The following IPO8 variants were observed in gnomAD, a reference collection of about 807,000 sequenced individuals.
IPO8 encodes importin-8.
Under a neutral mutation model 141.2 loss-of-function variants are expected in IPO8, and 65 were observed. The ratio of observed to expected loss-of-function variants is 0.46; its 90% CI spans 0.38 to 0.57. IPO8 has a LOEUF of 0.57. Ranked by LOEUF, IPO8 falls within the 20% of genes least tolerant of loss-of-function variation. The probability of loss-of-function intolerance (pLI) is 0.00; values close to 1 mark genes in which losing one functional copy is unlikely to be tolerated. For synonymous variants in IPO8, 411 were observed against 420.3 expected (o/e 0.98, Z 0.27); for missense variants, 980 against 1,246.8 (o/e 0.79, Z 3.22).
At chr12:30,688,530 CTAAAGA>C (rs1453503697) in intron 2 of IPO8, 1 of 284,598 alleles carries the variant, frequency 3.5e-6, no homozygotes, top group African/African-American at 2.3e-5. Flanking sequence ...AAGTGTCATG[CTAAAGA>C]TAAATTATCT....
At chr12:30,633,108 T>G (rs1266954911) in intron 23 of IPO8, among the ~76,000 whole-genome samples, 1 of 152,256 alleles carries the variant, frequency 6.6e-6, no homozygotes, top group Non-Finnish European at 1.5e-5. Flanking sequence ...TCCCATGCTT[T>G]GGAATATAGT....
intron 21 of IPO8, 82 bp downstream of exon 21, chr12:30,639,433 T>C: frequency 1.2e-6 from 1 of 825,800 alleles, no homozygotes; most frequent in South Asian, 1.6e-5. Flanking sequence ...AAAATTATCT[T>C]TGTACATGCT....
chr12:30,669,541 T>C (rs2053018785), intron 9 of IPO8, among the ~76,000 whole-genome samples: 1 of 152,136 alleles, frequency 6.6e-6, no homozygotes, highest in Non-Finnish European at 1.5e-5. Context: ...TCTGTAATCC[T>C]ACCTCTTTGG....
At position 30,639,519 on chromosome 12, in the gene IPO8, G is replaced by A; in HGVS notation, c.2485C>T (p.Leu829Phe). ...NQWMNDTDCFLGHHDRKMCII... is the reference protein window; with the variant it reads ...NQWMNDTDCFFGHHDRKMCII... ...TAAAATCCAAAAGACACATACCCAA[G>A]AAAACAATCTGTATCATTCATCCAT... Residue 829 changes from leucine to phenylalanine, a missense_variant, in exon 21 of 25, where the codon CTT (leucine) becomes TTT (phenylalanine). Transcript: ENST00000256079. 1 of 1,608,030 alleles carries A rather than the reference G, an allele frequency of 6.2e-7. No individual in the cohort carries two copies. The highest frequency in any genetic ancestry group is 1.1e-5 in the South Asian group (1 of 90,886).
chr12:30,642,369 C>T (rs1486299486), intron 20 of IPO8, among the ~76,000 whole-genome samples: 1 of 151,944 alleles, frequency 6.6e-6, no homozygotes, highest in Admixed American at 6.6e-5. Context: ...TCAATAGAAA[C>T]CCAAACCTCA....
intron 2 of IPO8, among the ~76,000 whole-genome samples, chr12:30,685,378 A>T (rs1267629412): frequency 6.6e-6 from 1 of 151,616 alleles, no homozygotes; most frequent in Non-Finnish European, 1.5e-5. Flanking sequence ...ACCTCAGGTG[A>T]TCTGCCTGCC....
In IPO8 at chr12:30,639,220, A is replaced by G. The variant is rs143749318; in HGVS notation, c.2489+295T>C. ...ACTGACACTTAATCATGGAACCCAG[A>G]CAGACAACTAATTCTTGTTGCCTAG... is the stretch of plus-strand genomic sequence containing the variant. On this transcript the variant is annotated intron_variant, in intron 21 of 24. Coordinates refer to ENST00000256079, the MANE Select transcript of IPO8 (RefSeq NM_006390.4). Among the ~76,000 whole-genome samples, 698 of 152,282 alleles carry G rather than the reference A, an allele frequency of 4.6e-3. 4 individuals carry two copies. The highest frequency in any genetic ancestry group is 0.015 in the African/African-American group (626 of 41,546).
chr12:30,639,717 G>C lies in IPO8; in HGVS notation c.2287C>G (p.Gln763Glu). The change falls in exon 21 of 25, where the codon CAA (glutamine) becomes GAA (glutamate). Residue 763 changes from glutamine to glutamate, a missense_variant. Around this residue, in one of 3 missense-constraint regions of IPO8, gnomAD observed 924 missense variants for 1,153.9 expected, o/e 0.80. Transcript: ENST00000256079. ...GIDQCIPLFVQLVLERLTRGV... is the reference protein window; with the variant it reads ...GIDQCIPLFVELVLERLTRGV... The stretch of plus-strand genomic sequence containing the variant: ...CGAGTTAATCTCTCCAAAACAAGTT[G>C]AACGAAGAGTGGAATGCACTAGAAG... 1 of 1,613,900 alleles carries C rather than the reference G, an allele frequency of 6.2e-7. No individual in the cohort carries two copies. Among genetic ancestry groups the C allele is most frequent in the East Asian group, 2.2e-5 (1 of 44,862 alleles).
intron 16 of IPO8, among the ~76,000 whole-genome samples, chr12:30,660,591 G>C (rs1439261900): frequency 1.3e-5 from 2 of 152,200 alleles, no homozygotes; most frequent in Non-Finnish European, 2.9e-5. Flanking sequence ...TCAGCTGATG[G>C]ATGTGAAAGC....
Position 30,639,663 on chromosome 12 carries a change from T to C in IPO8, c.2341A>G (p.Met781Val), listed in dbSNP as rs1450184224. The C allele has an allele frequency of 3.1e-6, 5 of 1,614,096 alleles. No individual in the cohort carries two copies. The highest frequency in any genetic ancestry group is 2.2e-5 in the South Asian group (2 of 91,080). Residue 781 changes from methionine (M) to valine (V), a missense_variant, in exon 21 of 25, where the codon ATG (methionine) becomes GTG (valine). This residue lies in a region of IPO8 where 924 missense variants were observed against 1,153.9 expected (regional missense o/e 0.80). Transcript: ENST00000256079. ...GCAGCAATTGCAACCTGAAGACACA[T>C]AGTACGAAGCTCACTAGTTTTGACC... is the stretch of plus-strand genomic sequence containing the variant. Reference protein sequence around the residue: ...RGVKTSELRTMCLQVAIAALY... With the variant: ...RGVKTSELRTVCLQVAIAALY...
chr12:30,638,923 G>A (rs1195545289), intron 21 of IPO8, among the ~76,000 whole-genome samples: 3 of 151,850 alleles, frequency 2.0e-5, no homozygotes, highest in African/African-American at 7.3e-5. Context: ...CACCCGCCTC[G>A]GCCTCCCAAA....
At chr12:30,631,093 C>A in intron 24 of IPO8, 136 bp from the exon 25 acceptor site, 1 of 630,150 alleles carries the variant, frequency 1.6e-6, no homozygotes, top group Non-Finnish European at 2.7e-6. Flanking sequence ...TATTAGTTAT[C>A]CTGCCAAAGA....
chr12:30,653,173 C>T, intron 17 of IPO8, 81 bp from the exon 18 acceptor site: 1 of 1,269,250 alleles, frequency 7.9e-7, no homozygotes, highest in South Asian at 1.2e-5. Context: ...AGGGTTTAGA[C>T]TACCTACGCA....
At chr12:30,631,004 T>G in intron 24 of IPO8, 47 bp from the exon 25 acceptor site, 5 of 1,461,514 alleles carry the variant, frequency 3.4e-6, no homozygotes, top group Non-Finnish European at 4.7e-6. Context: ...AAAGAATGCT[T>G]AAGGTGACAA....
At position 30,656,812 on chromosome 12, in the gene IPO8, T is replaced by C. The variant is rs2052807398; in HGVS notation, c.1882-62A>G. 2.7e-5 allele frequency: 21 copies of C among 778,212 alleles called. 1 individual carries two copies. Among genetic ancestry groups the C allele is most frequent in the South Asian group, 2.6e-4 (11 of 42,684 alleles). The allele number at this position is 778,212 out of a possible 1,614,324, so 48.2% of individuals were successfully genotyped here. A position where few individuals can be genotyped will look rare whatever the true frequency, so the allele number is the denominator to read the frequency against. Reference sequence around the variant, plus strand: ...CATAATTAATACATAAATTTAATATTGTGCCAATAAAAATATCAAGAGGAC... The same window carrying C: ...CATAATTAATACATAAATTTAATATCGTGCCAATAAAAATATCAAGAGGAC... On this transcript the variant is annotated intron_variant, in intron 16 of 24. Coordinates refer to ENST00000256079, the MANE Select transcript of IPO8 (RefSeq NM_006390.4).
chr12:30,642,626 C>T (rs1016845735), intron 20 of IPO8, among the ~76,000 whole-genome samples: 26 of 150,646 alleles, frequency 1.7e-4, no homozygotes, highest in African/African-American at 6.1e-4. Context: ...TTTATTAATA[C>T]GATATATAAA....
In IPO8 at chr12:30,677,480, T is replaced by G. The variant is rs2053137388; in HGVS notation, c.640-893A>C. Among the ~76,000 whole-genome samples the G allele has an allele frequency of 2.0e-5, 3 of 152,204 alleles. No individual in the cohort carries two copies. The South Asian group carries it at 6.2e-4, about 31-fold the overall frequency. On this transcript the variant is annotated intron_variant, in intron 5 of 24. Transcript: ENST00000256079. ...CACAATACTTTTCATCATTAGAGTG[T>G]ACTCCTTCTACTTTTTTTTTTAAGT...
At chr12:30,661,930 T>C (rs10843804) in intron 15 of IPO8, among the ~76,000 whole-genome samples, 31,863 of 152,082 alleles carry the variant, frequency 0.21, 3,531 homozygotes, top group East Asian at 0.3. Context: ...TATCAATATT[T>C]CAGTTACAGT....
intron 1 of IPO8, among the ~76,000 whole-genome samples, chr12:30,692,181 C>T (rs974614785): frequency 6.6e-6 from 1 of 152,178 alleles, no homozygotes; most frequent in Admixed American, 6.5e-5. Context: ...AAACTGACTT[C>T]CGTTATTTGT....
Sources: gnomAD v4.1 joint callset for allele counts (sites outside exome capture counted in the v4.1 genomes callset) on GRCh38, gnomAD v4.1.1 for gene constraint, gnomAD v4.1.1 regional missense constraint, MANE v1.5 for transcripts, NCBI Gene and HGNC (gene_info 2026-07-23, HGNC 2026-07-21) for gene names.